The following NHLRC3 variants were observed in gnomAD, a reference collection of about 807,000 sequenced individuals.
NHLRC3 encodes the protein NHL repeat containing 3, also known as NHL repeat-containing protein 3.
NHLRC3 carries 23 observed loss-of-function variants against 32.0 expected under a neutral mutation model. That is an observed-to-expected ratio of 0.72 (90% CI 0.52 to 1.02). The LOEUF (loss-of-function observed/expected upper bound fraction) is 1.02. Among genes scored for constraint, NHLRC3 ranks in the 50% least tolerant of loss-of-function variants. The pLI is 0.00. For synonymous variants in NHLRC3, 159 were observed against 147.9 expected (o/e 1.08, Z -0.55); for missense variants, 407 against 406.8 (o/e 1.00, Z -0.01).
rs1055284605 is a variant in NHLRC3, at chr13:39,049,952, C to T, written c.*2026C>T. 7.9e-5 allele frequency: 12 copies of T among 152,136 alleles called. No individual in the cohort carries two copies. Among genetic ancestry groups the T allele is most frequent in the African/African-American group, 2.7e-4 (11 of 41,436 alleles). The allele number at this position is 152,136 out of a possible 1,614,324, so 9.4% of individuals were successfully genotyped here. ...TTTGTAAAAGTGTTTGTTAGTGTACCTGTGATTATAGTACTTCACTTTTTT... is the reference window on the plus strand; with the variant it reads ...TTTGTAAAAGTGTTTGTTAGTGTACTTGTGATTATAGTACTTCACTTTTTT... On this transcript the variant is annotated 3_prime_UTR_variant, in exon 7 of 7. Transcript: ENST00000379600.
intron 3 of NHLRC3, chr13:39,040,020 CAAAA>C: frequency 6.6e-5 from 7 of 106,270 alleles, no homozygotes; most frequent in South Asian, 5.6e-4. Flanking sequence ...ACTAAAAATA[CAAAA>C]AAAAAAAAAA....
At chr13:39,038,330 AAGTC>A (rs1452864556), upstream of NHLRC3, 4 of 410,744 alleles carry the variant, frequency 9.7e-6, no homozygotes, top group Non-Finnish European at 8.9e-6. Context: ...TGGCCACTGA[AAGTC>A]AGCGGCGCGG....
intron 3 of NHLRC3, chr13:39,041,166 T>A (rs1871452438): frequency 6.6e-6 from 1 of 152,180 alleles, no homozygotes; most frequent in Admixed American, 6.5e-5. Flanking sequence ...AGGAATAAAT[T>A]TCCTCTAATG....
chr13:39,047,841 GAGCAGTCTATGT>G lies in NHLRC3; in HGVS notation c.965_976del (p.Val322_Ala325del). 1 of 1,613,820 alleles carries G rather than the reference GAGCAGTCTATGT, an allele frequency of 6.2e-7. No homozygotes were observed. On this transcript the variant is annotated inframe_deletion, in exon 7 of 7. Transcript: ENST00000379600. Reference sequence around the variant, plus strand: ...CTCCTAGAAGTCGACAGAAAGACTGGAGCAGTCTATGTAGCAGAAATTGGAGCAAAACAAGTA... The same window carrying G: ...CTCCTAGAAGTCGACAGAAAGACTGGAGCAGAAATTGGAGCAAAACAAGTA...
rs907196871 is a variant in NHLRC3 at position 39,038,654 on chromosome 13, G to C, written c.15G>C (p.Trp5Cys). Residue 5 changes from tryptophan (W) to cysteine (C), a missense_variant, in exon 1 of 7, where the codon TGG becomes TGC. Trp to Cys is a radical substitution (Grantham distance 215). Transcript: ENST00000379600. MARF[W>C]VCVAGAGFFL... Reference sequence around the variant, plus strand: ...CCCGTCTGGTCATGGCGAGATTCTGGGTCTGCGTAGCCGGTGCTGGCTTCT... The same window carrying C: ...CCCGTCTGGTCATGGCGAGATTCTGCGTCTGCGTAGCCGGTGCTGGCTTCT... 6.2e-7 allele frequency: 1 copy of C among 1,614,170 alleles called. No homozygotes were observed. The highest frequency in any genetic ancestry group is 1.3e-5 in the African/African-American group (1 of 75,054).
intron 3 of NHLRC3, chr13:39,041,890 G>T: frequency 2.1e-6 from 1 of 473,262 alleles, no homozygotes; most frequent in Non-Finnish European, 3.7e-6. Context: ...TTTAGAATCC[G>T]CTTATTTTGG....
intron 3 of NHLRC3, chr13:39,041,703 T>G (rs1871472223): frequency 5.5e-6 from 1 of 181,076 alleles, no homozygotes; most frequent in East Asian, 1.5e-4. Context: ...ATGTGAGTGA[T>G]TGAAATAACA....
chr13:39,042,177 A>G lies in NHLRC3; in HGVS notation c.458A>G (p.Lys153Arg). ...DLVQVLGTPG[K>R]KGTSLNPLQF... ...GTTCAAGTCTTGGGTACTCCAGGCA[A>G]AAAAGGCACTAGTTTGAATCCTTTG... The change falls in exon 4 of 7, where the codon AAA (lysine) becomes AGA (arginine). Residue 153 changes from lysine (K) to arginine (R), a missense_variant. Lys to Arg is a conservative substitution (Grantham distance 26). Transcript: ENST00000379600. 1 of 1,612,410 alleles carries G rather than the reference A, an allele frequency of 6.2e-7. No homozygotes were observed. The highest frequency in any genetic ancestry group is 8.5e-7 in the Non-Finnish European group (1 of 1,178,590).
chr13:39,048,619 A>G lies in NHLRC3; in HGVS notation c.*693A>G, dbSNP rs965426401. ...CTTACCAAGGGACAAGGAGGAGAAAACAATAATTTCCAAGTAAAGAAGGTA... is the reference window on the plus strand; with the variant it reads ...CTTACCAAGGGACAAGGAGGAGAAAGCAATAATTTCCAAGTAAAGAAGGTA... On this transcript the variant is annotated 3_prime_UTR_variant, in exon 7 of 7. Transcript: ENST00000379600. 3 of 152,226 alleles carry G rather than the reference A, an allele frequency of 2.0e-5. No individual in the cohort carries two copies. Among genetic ancestry groups the G allele is most frequent in the Non-Finnish European group, 4.4e-5 (3 of 68,040 alleles). 9.4% of individuals were successfully genotyped at this position (152,226 alleles called of 1,614,324 possible).
In NHLRC3 at chr13:39,038,514, A is replaced by G. The variant is rs1871292157; in HGVS notation, c.-126A>G. On this transcript the variant is annotated 5_prime_UTR_variant, in exon 1 of 7. Coordinates refer to ENST00000379600, the MANE Select transcript of NHLRC3 (RefSeq NM_001012754.4). ...AAGCTCGTGCATCCAGGGAGGGGAA[A>G]CCGGAGATAGGGTCTTCGGGCCCCG... is the stretch of plus-strand genomic sequence containing the variant. 20 of 759,322 alleles carry G rather than the reference A, an allele frequency of 2.6e-5. 1 individual carries two copies. In the South Asian group the frequency reaches 2.8e-4, roughly 11 times the overall value. The allele number at this position is 759,322 out of a possible 1,614,324, so 47.0% of individuals were successfully genotyped here.
intron 5 of NHLRC3, 39 bp from the exon 6 acceptor site, chr13:39,047,001 A>C (rs1346589341): frequency 2.5e-6 from 3 of 1,210,892 alleles, no homozygotes; most frequent in African/African-American, 1.5e-5. Flanking sequence ...TTTTCTTCTC[A>C]TGGATATTTT....
chr13:39,044,155 A>G lies in NHLRC3; in HGVS notation c.652A>G (p.Ser218Gly). Residue 218 changes from serine (S) to glycine (G), a missense_variant, in exon 5 of 7, where the codon AGT becomes GGT. By Grantham distance (56) the Ser-to-Gly change is moderately conservative. Transcript: ENST00000379600. ...TGPAKFNIPH[S>G]VTLDSAGRVW... ...GCCTGCTAAGTTCAACATACCTCACAGTGTTACACTTGATTCAGCTGGTCG... is the reference window on the plus strand; with the variant it reads ...GCCTGCTAAGTTCAACATACCTCACGGTGTTACACTTGATTCAGCTGGTCG... The G allele has an allele frequency of 6.2e-7, 1 of 1,612,952 alleles. No individual in the cohort carries two copies. Among genetic ancestry groups the G allele is most frequent in the Non-Finnish European group, 8.5e-7 (1 of 1,179,092 alleles).
intron 5 of NHLRC3, 65 bp downstream of exon 5, chr13:39,044,246 T>TGTGG: frequency 2.1e-6 from 2 of 951,096 alleles, no homozygotes; most frequent in African/African-American, 3.2e-5. Context: ...TGTGTGTGTG[T>TGTGG]GTGTGTGTGT....
Position 39,044,100 on chromosome 13 carries a change from C to T in NHLRC3, c.597C>T (p.Ile199=), listed in dbSNP as rs1348892192. 1.2e-6 allele frequency: 2 copies of T among 1,611,174 alleles called. No individual in the cohort carries two copies. Among genetic ancestry groups the T allele is most frequent in the Non-Finnish European group, 1.7e-6 (2 of 1,177,506 alleles). ...TTTTACCGTTTATAGATTTCATGAT[C>T]CTTTGGCTGCATGGAGAAAATGGGA... The part of the protein sequence containing the change: ...RLIKLSQDFM[I]LWLHGENGTG... The change falls in exon 5 of 7, where the codon ATC becomes ATT. Residue 199 remains isoleucine (I), a synonymous_variant. Coordinates refer to ENST00000379600, the MANE Select transcript of NHLRC3 (RefSeq NM_001012754.4).
chr13:39,042,005 A>G lies in NHLRC3; in HGVS notation c.386-100A>G, dbSNP rs931363641. 7 of 658,744 alleles carry G rather than the reference A, an allele frequency of 1.1e-5. No homozygotes were observed. The South Asian group carries it at 1.3e-4, about 12-fold the overall frequency. 40.8% of individuals were successfully genotyped at this position (658,744 alleles called of 1,614,324 possible). The stretch of plus-strand genomic sequence containing the variant: ...TTCCTAAGCCTATCACCTATTTGTT[A>G]TTATTTACTTCTATCAAATTTTTGC... On this transcript the variant is annotated intron_variant, in intron 3 of 6. Transcript: ENST00000379600.
intron 5 of NHLRC3, among the ~76,000 whole-genome samples, chr13:39,046,125 C>G (rs889739808): frequency 7.2e-5 from 11 of 152,022 alleles, no homozygotes; most frequent in African/African-American, 2.7e-4. Flanking sequence ...GTCAGGAGAT[C>G]GAGACCATGG....
intron 1 of NHLRC3, 58 bp from the exon 2 acceptor site, chr13:39,039,078 C>CGGT: frequency 1.6e-5 from 17 of 1,038,034 alleles, no homozygotes; most frequent in East Asian, 2.6e-5. Context: ...CCCCCCCGCC[C>CGGT]TTTTTTTGTT....
At chr13:39,038,775 G>T in intron 1 of NHLRC3, 52 bp downstream of exon 1, 1 of 1,452,746 alleles carries the variant, frequency 6.9e-7, no homozygotes, top group South Asian at 1.1e-5. Context: ...AGCCCTGTTG[G>T]GAGGCGTCGC....
At chr13:39,045,101 G>C (rs1000004272) in intron 5 of NHLRC3, among the ~76,000 whole-genome samples, 1 of 152,138 alleles carries the variant, frequency 6.6e-6, no homozygotes, top group African/African-American at 2.4e-5. Flanking sequence ...TTCTACTTCT[G>C]ATTCAGTGCT....
Sources: allele counts gnomAD v4.1 joint callset (sites outside exome capture counted in the v4.1 genomes callset), GRCh38; gene constraint gnomAD v4.1.1; transcripts MANE v1.5; gene names NCBI Gene and HGNC (gene_info 2026-07-23, HGNC 2026-07-21).